Variants in CFAP44 observed in about 807,000 individuals in gnomAD.
CFAP44 encodes the protein cilia and flagella associated protein 44.
CFAP44 carries 134 observed loss-of-function variants against 216.2 expected under a neutral mutation model. The ratio of observed to expected loss-of-function variants is 0.62; its 90% CI spans 0.54 to 0.72. CFAP44 has a LOEUF of 0.72. Among genes scored for constraint, CFAP44 ranks in the 30% least tolerant of loss-of-function variants. The probability of loss-of-function intolerance (pLI) is 0.00; values close to 1 mark genes in which losing one functional copy is unlikely to be tolerated. For missense variants in CFAP44, 2,035 were observed against 2,182.1 expected, an observed-to-expected ratio of 0.93 and a Z score of 1.34; for synonymous variants, 700 against 727.6, an observed-to-expected ratio of 0.96 and a Z score of 0.61.
intron 6 of CFAP44, among the ~76,000 whole-genome samples, chr3:113,414,547 T>G (rs1475508221): frequency 6.6e-6 from 1 of 152,172 alleles, no homozygotes; most frequent in African/African-American, 2.4e-5. Flanking sequence ...AATACCTAGT[T>G]TATTGAGAGT....
intron 24 of CFAP44, among the ~76,000 whole-genome samples, chr3:113,338,377 C>G (rs1000611917): frequency 6.6e-6 from 1 of 150,470 alleles, no homozygotes; most frequent in Non-Finnish European, 1.5e-5. Flanking sequence ...AGTATATATC[C>G]AGGACTAGTA....
intron 23 of CFAP44, among the ~76,000 whole-genome samples, chr3:113,343,431 AAT>A (rs1264837270): frequency 6.6e-6 from 1 of 152,196 alleles, no homozygotes; most frequent in Non-Finnish European, 1.5e-5. Flanking sequence ...AAAATTAAAT[AAT>A]ATGAGATATT....
chr3:113,296,513 G>T (rs1949882438), intron 33 of CFAP44, among the ~76,000 whole-genome samples: 1 of 152,090 alleles, frequency 6.6e-6, no homozygotes, highest in Non-Finnish European at 1.5e-5. Context: ...CCAAAACCTA[G>T]TGCTGGTGCT....
intron 22 of CFAP44, among the ~76,000 whole-genome samples, chr3:113,345,133 T>A (rs1347137131): frequency 6.7e-6 from 1 of 148,554 alleles, no homozygotes; most frequent in Non-Finnish European, 1.5e-5. Flanking sequence ...AATAGATTAT[T>A]ATATAAAATG....
chr3:113,401,187 C>A, intron 11 of CFAP44, 53 bp downstream of exon 11: 2 of 1,490,332 alleles, frequency 1.3e-6, no homozygotes. Flanking sequence ...AGACAAATAA[C>A]AAAAGTTTTT....
rs377017412 is a variant in CFAP44 at position 113,305,052 on chromosome 3, G to A, written c.4859C>T (p.Pro1620Leu). ...QRLNELLVVI[P>L]LKLHQIEYVV... ...ACGCATCACCTGGTGGAGCTTGAGC[G>A]GAATCACAACTAGCAGTTCATTCAG... Residue 1620 changes from proline to leucine, a missense_variant, in exon 31 of 35, where the codon CCG becomes CTG. This residue lies in a region of CFAP44 where 1,883 missense variants were observed against 2,023.7 expected (regional missense o/e 0.93). Transcript: ENST00000393845. 3.1e-5 allele frequency: 48 copies of A among 1,537,076 alleles called. No homozygotes were observed. The African/African-American group carries it at 4.8e-4, about 15-fold the overall frequency.
At chr3:113,436,998 A>G (rs1372199796) in intron 1 of CFAP44, among the ~76,000 whole-genome samples, 1 of 152,214 alleles carries the variant, frequency 6.6e-6, no homozygotes. Context: ...TGCTGCCTTC[A>G]CTTTCAGAGG....
chr3:113,323,914 C>T (rs748394826), intron 28 of CFAP44, among the ~76,000 whole-genome samples: 2 of 151,870 alleles, frequency 1.3e-5, no homozygotes, highest in Admixed American at 1.3e-4. Flanking sequence ...CATGGTGGCA[C>T]GTGCCTATAG....
In CFAP44 at chr3:113,378,663, T is replaced by C. The variant is rs570838116; in HGVS notation, c.2298+643A>G. Reference sequence around the variant, plus strand: ...GAAATCTTGCTTTGCAGTAGATCAATAGAATATTTCAAGCAAATAGTAAAA... The same window carrying C: ...GAAATCTTGCTTTGCAGTAGATCAACAGAATATTTCAAGCAAATAGTAAAA... On this transcript the variant is annotated intron_variant, in intron 17 of 34. Transcript: ENST00000393845. Among the ~76,000 whole-genome samples, 10 of 152,266 alleles carry C rather than the reference T, an allele frequency of 6.6e-5. No individual in the cohort carries two copies. In the East Asian group the frequency reaches 1.2e-3, roughly 18 times the overall value.
intron 18 of CFAP44, among the ~76,000 whole-genome samples, chr3:113,372,149 A>G (rs896186109): frequency 6.6e-6 from 1 of 152,236 alleles, no homozygotes; most frequent in Admixed American, 6.5e-5. Context: ...AATTAGTTCA[A>G]CCATTGTGGA....
chr3:113,388,841 T>C (rs1031365396), intron 15 of CFAP44, among the ~76,000 whole-genome samples: 2 of 152,194 alleles, frequency 1.3e-5, no homozygotes, highest in African/African-American at 4.8e-5. Flanking sequence ...TGTAAATATA[T>C]ATGCATCCAA....
intron 15 of CFAP44, among the ~76,000 whole-genome samples, chr3:113,392,427 G>T (rs1933868727): frequency 2.0e-5 from 3 of 151,578 alleles, no homozygotes; most frequent in African/African-American, 7.3e-5. Flanking sequence ...GCGGGGGGTG[G>T]GGTGCAAATT....
At chr3:113,308,416 C>A in intron 28 of CFAP44, 148 bp from the exon 29 acceptor site, 1 of 650,238 alleles carries the variant, frequency 1.5e-6, no homozygotes, top group Non-Finnish European at 2.5e-6. Flanking sequence ...ACAAAGAACA[C>A]AAACCCAAAT....
rs139537550 is a variant in CFAP44 at position 113,432,517 on chromosome 3, T to C, written c.100+1048A>G. ...AATCACTTTTAGCTTTTAATCTTTTTTCTTCTGATATTTACCTCCATATAT... is the reference window on the plus strand; with the variant it reads ...AATCACTTTTAGCTTTTAATCTTTTCTCTTCTGATATTTACCTCCATATAT... On this transcript the variant is annotated intron_variant, in intron 2 of 34. Transcript: ENST00000393845. 2.8e-4 allele frequency among the ~76,000 whole-genome samples: 43 copies of C among 152,332 alleles called. 1 individual carries two copies. In the East Asian group the frequency reaches 7.5e-3, roughly 27 times the overall value.
chr3:113,361,689 A>G (rs1950542982), intron 21 of CFAP44, among the ~76,000 whole-genome samples: 1 of 151,760 alleles, frequency 6.6e-6, no homozygotes, highest in Non-Finnish European at 1.5e-5. Context: ...TAGTGGAGAC[A>G]GGGTTTCACC....
At chr3:113,409,916 T>C (rs1320848118) in intron 6 of CFAP44, among the ~76,000 whole-genome samples, 1 of 152,224 alleles carries the variant, frequency 6.6e-6, no homozygotes, top group Non-Finnish European at 1.5e-5. Context: ...CATGACAGTT[T>C]ATAAATACCA....
At chr3:113,297,691 T>C (rs975749064) in intron 32 of CFAP44, among the ~76,000 whole-genome samples, 1 of 152,196 alleles carries the variant, frequency 6.6e-6, no homozygotes, top group Non-Finnish European at 1.5e-5. Context: ...AGATCTAGCA[T>C]GCAATATATT....
intron 24 of CFAP44, among the ~76,000 whole-genome samples, chr3:113,335,704 T>C (rs990147580): frequency 1.8e-4 from 27 of 152,200 alleles, no homozygotes; most frequent in African/African-American, 6.0e-4. Flanking sequence ...GAGAAAGGCA[T>C]AGAAGATATG....
At chr3:113,411,792 T>C (rs1934483578) in intron 6 of CFAP44, among the ~76,000 whole-genome samples, 1 of 152,222 alleles carries the variant, frequency 6.6e-6, no homozygotes, top group African/African-American at 2.4e-5. Context: ...TGTTCTTCCA[T>C]TTGTTTGTGT....
Sources: gnomAD v4.1 joint callset for allele counts (sites outside exome capture counted in the v4.1 genomes callset) on GRCh38, gnomAD v4.1.1 for gene constraint, gnomAD v4.1.1 regional missense constraint, MANE v1.5 for transcripts, NCBI Gene and HGNC (gene_info 2026-07-23, HGNC 2026-07-21) for gene names.